ECE1: variants seen among roughly 807,000 people sequenced by gnomAD.
ECE1 encodes the protein endothelin converting enzyme 1, also known as endothelin-converting enzyme 1.
ECE1 carries 35 observed loss-of-function variants against 98.6 expected under a neutral mutation model. That is an observed-to-expected ratio of 0.35 (90% confidence interval 0.27 to 0.47). ECE1 has a LOEUF of 0.47. ECE1 is among the 20% of genes least tolerant of loss of function. The probability of loss-of-function intolerance (pLI) is 1.00; values close to 1 mark genes in which losing one functional copy is unlikely to be tolerated. For missense variants in ECE1, 814 were observed against 1,025.3 expected (o/e 0.79, Z 2.81); for synonymous variants, 394 against 407.1 (o/e 0.97, Z 0.39).
At chr1:21,262,924 A>G (rs1181536714) in intron 4 of ECE1, among the ~76,000 whole-genome samples, 2 of 152,202 alleles carry the variant, frequency 1.3e-5, no homozygotes, top group Non-Finnish European at 2.9e-5. Context: ...AGTGGGCAAC[A>G]TAACTGGAGG....
At chr1:21,334,055 G>C (rs1377244071) in intron 1 of ECE1, among the ~76,000 whole-genome samples, 1 of 152,218 alleles carries the variant, frequency 6.6e-6, no homozygotes, top group Non-Finnish European at 1.5e-5. Flanking sequence ...GGGACTAAGT[G>C]ACAGAGCTGG....
At chr1:21,248,207 CTT>C (rs1265804045) in intron 8 of ECE1, among the ~76,000 whole-genome samples, 1 of 151,484 alleles carries the variant, frequency 6.6e-6, no homozygotes, top group Non-Finnish European at 1.5e-5. Context: ...GTCTCACTCT[CTT>C]GTCCAGGCTG....
At chr1:21,227,694 C>G (rs1239611960) in intron 15 of ECE1, among the ~76,000 whole-genome samples, 1 of 152,170 alleles carries the variant, frequency 6.6e-6, no homozygotes, top group African/African-American at 2.4e-5. Flanking sequence ...GGGCGTTTCC[C>G]TGAGGTAGGG....
Position 21,225,570 on chromosome 1 carries a change from G to T in ECE1, c.1850-130C>A. On this transcript the variant is annotated intron_variant, in intron 16 of 18. Transcript: ENST00000374893. The surrounding 1 kb of genome is among the most constrained non-coding windows in gnomAD (Gnocchi z 5.3). ...TCCTCCAGCCACCATGGGGAGACGA[G>T]GTCCCTGTGAGTGCCGAGGGACGTG... 9.3e-7 allele frequency: 1 copy of T among 1,073,840 alleles called. No homozygotes were observed. The highest frequency in any genetic ancestry group is 1.3e-6 in the Non-Finnish European group (1 of 744,002). The allele number at this position is 1,073,840 out of a possible 1,614,324, so 66.5% of individuals were successfully genotyped here. A position where few individuals can be genotyped will look rare whatever the true frequency, so the allele number is the denominator to read the frequency against.
intron 10 of ECE1, among the ~76,000 whole-genome samples, chr1:21,242,103 A>G (rs2098197210): frequency 6.6e-6 from 1 of 152,194 alleles, no homozygotes; most frequent in Non-Finnish European, 1.5e-5. Context: ...GAGCAGTCAG[A>G]AGAGACTTCA....
intron 8 of ECE1, among the ~76,000 whole-genome samples, chr1:21,252,365 C>G (rs950501066): frequency 1.3e-5 from 2 of 152,244 alleles, no homozygotes; most frequent in Non-Finnish European, 2.9e-5. Context: ...TAGGACATTC[C>G]ACTTGTGACT....
intron 1 of ECE1, among the ~76,000 whole-genome samples, chr1:21,329,196 C>T (rs1360749053): frequency 2.0e-5 from 3 of 152,166 alleles, no homozygotes; most frequent in Non-Finnish European, 1.5e-5. Context: ...ACCCTCCCCC[C>T]GACACTTACT....
intron 14 of ECE1, among the ~76,000 whole-genome samples, chr1:21,232,354 A>AGTG (rs1472476376): frequency 2.0e-5 from 3 of 150,932 alleles, no homozygotes; most frequent in Admixed American, 2.0e-4. Context: ...GCTGGAGTAC[A>AGTG]GTGGCATGAT....
chr1:21,302,367 T>C (rs574079194), intron 1 of ECE1, among the ~76,000 whole-genome samples: 7 of 152,244 alleles, frequency 4.6e-5, no homozygotes, highest in Non-Finnish European at 8.8e-5. Context: ...TCTGGCTCTG[T>C]GACCCGGGGA....
chr1:21,233,595 T>G lies in ECE1; in HGVS notation c.1633A>C (p.Thr545Pro), dbSNP rs1384387359. ...MRFFNFSWRV[T>P]ADQLRKAPNR... ...GGGGCTTTCCTGAGCTGATCGGCAG[T>G]GACCCTCCATGAGAAGTTGAAAAAC... The change falls in exon 14 of 19, where the codon ACT (threonine) becomes CCT (proline). Residue 545 changes from threonine (T) to proline (P), a missense_variant. Physicochemically the swap from Thr to Pro is conservative, Grantham distance 38 (BLOSUM62 -1). Coordinates refer to ENST00000374893, the MANE Select transcript of ECE1 (RefSeq NM_001397.3). This position sits in a 1 kb window ranked among gnomAD's most constrained non-coding sequence, Gnocchi z 4.0. 1.2e-6 allele frequency: 2 copies of G among 1,613,786 alleles called. No homozygotes were observed. Among genetic ancestry groups the G allele is most frequent in the Non-Finnish European group, 1.7e-6 (2 of 1,180,010 alleles).
chr1:21,307,116 T>C lies in ECE1; in HGVS notation c.4-16960A>G, dbSNP rs560701417. Among the ~76,000 whole-genome samples the C allele has an allele frequency of 9.1e-4, 138 of 152,302 alleles. 2 individuals carry two copies. Among genetic ancestry groups the C allele is most frequent in the Non-Finnish European group, 4.1e-4 (28 of 68,022 alleles). On this transcript the variant is annotated intron_variant, in intron 1 of 18. Transcript: ENST00000415912. The surrounding 1 kb of genome is among the most constrained non-coding windows in gnomAD (Gnocchi z 4.2). ...TGCACTCAAGACTCTCCCCTTCCTCTGGGTCCAGCATGGGTCTCAGCTCCC... is the reference window on the plus strand; with the variant it reads ...TGCACTCAAGACTCTCCCCTTCCTCCGGGTCCAGCATGGGTCTCAGCTCCC...
At chr1:21,321,436 G>T (rs1638961688) in intron 1 of ECE1, among the ~76,000 whole-genome samples, 1 of 152,206 alleles carries the variant, frequency 6.6e-6, no homozygotes, top group Non-Finnish European at 1.5e-5. Context: ...CTGGAAGAGG[G>T]TCTGTTGGGG....
At position 21,272,616 on chromosome 1, in the gene ECE1, G is replaced by A. The variant is rs2098241528; in HGVS notation, c.493+83C>T. 3.7e-5 allele frequency: 57 copies of A among 1,537,792 alleles called. No individual in the cohort carries two copies. The South Asian group carries it at 5.6e-4, about 15-fold the overall frequency. ...CCATTCTGCCAAGCTCCTCCTTTAA[G>A]CAGGCGCAGCTGGGAAGCTGGCTGG... On this transcript the variant is annotated intron_variant, in intron 4 of 18. Coordinates refer to ENST00000374893, the MANE Select transcript of ECE1 (RefSeq NM_001397.3).
At position 21,241,674 on chromosome 1, in the gene ECE1, T is replaced by C. The variant is rs188061545; in HGVS notation, c.1278+3315A>G. Among the ~76,000 whole-genome samples the C allele has an allele frequency of 7.9e-5, 12 of 151,800 alleles. No individual in the cohort carries two copies. The East Asian group carries it at 2.2e-3, about 27-fold the overall frequency. On this transcript the variant is annotated intron_variant, in intron 10 of 18. Coordinates refer to ENST00000374893, the MANE Select transcript of ECE1 (RefSeq NM_001397.3). ...CTGGCCTCAGGTGATCCCACCAGCC[T>C]TGGCCTCCCAAAAGTGCTGGGATTA...
intron 10 of ECE1, among the ~76,000 whole-genome samples, chr1:21,240,970 G>A (rs903304850): frequency 2.0e-5 from 3 of 152,180 alleles, no homozygotes; most frequent in Admixed American, 6.5e-5. Context: ...TAGGTCTTTC[G>A]AAGCTAGAGA....
rs927855486 is a variant in ECE1, at chr1:21,225,544, G to T, written c.1850-104C>A. On this transcript the variant is annotated intron_variant, in intron 16 of 18. Transcript: ENST00000374893. This position sits in a 1 kb window ranked among gnomAD's most constrained non-coding sequence, Gnocchi z 5.3. Reference sequence around the variant, plus strand: ...AGAAGCGGTTCATCCGTCCACCCCCGTCCTCCAGCCACCATGGGGAGACGA... The same window carrying T: ...AGAAGCGGTTCATCCGTCCACCCCCTTCCTCCAGCCACCATGGGGAGACGA... 7.4e-7 allele frequency: 1 copy of T among 1,354,752 alleles called. No individual in the cohort carries two copies. The highest frequency in any genetic ancestry group is 1.4e-5 in the African/African-American group (1 of 69,642). The allele number at this position is 1,354,752 out of a possible 1,614,324, so 83.9% of individuals were successfully genotyped here. A position where few individuals can be genotyped will look rare whatever the true frequency, so the allele number is the denominator to read the frequency against.
At chr1:21,240,323 T>C (rs980298614) in intron 10 of ECE1, among the ~76,000 whole-genome samples, 4 of 151,850 alleles carry the variant, frequency 2.6e-5, no homozygotes, top group Non-Finnish European at 5.9e-5. Context: ...TCCATCTCTA[T>C]TAAAAATACA....
intron 2 of ECE1, chr1:21,279,765 C>T (rs2098252239): frequency 1.7e-6 from 2 of 1,165,618 alleles, no homozygotes; most frequent in South Asian, 2.7e-5. Context: ...GCTCACACTT[C>T]CCAGAAGCAC....
At chr1:21,238,393 C>T (rs2098191142) in intron 10 of ECE1, 149 bp from the exon 11 acceptor site, 7 of 707,462 alleles carry the variant, frequency 9.9e-6, no homozygotes, top group African/African-American at 3.5e-5. Flanking sequence ...TTTTAGTCAC[C>T]GGACCAAGAG....
Sources: gnomAD v4.1 joint callset for allele counts (sites outside exome capture counted in the v4.1 genomes callset) on GRCh38, gnomAD v4.1.1 for gene constraint, Gnocchi (gnomAD v3.1) non-coding constraint, MANE v1.5 for transcripts, NCBI Gene and HGNC (gene_info 2026-07-23, HGNC 2026-07-21) for gene names.